Variants in CPNE4 observed in about 807,000 individuals in gnomAD.
CPNE4 encodes copine-4.
A neutral mutation model predicts 67.9 loss-of-function variants in CPNE4; 25 were observed. The observed-to-expected ratio is 0.37, with a 90% CI of 0.27 to 0.51. The LOEUF (loss-of-function observed/expected upper bound fraction) is 0.51, where lower values mean the gene tolerates loss of function less well. CPNE4 is among the 20% of genes least tolerant of loss of function. The pLI is 0.93. For missense variants in CPNE4, 464 were observed against 690.8 expected, an observed-to-expected ratio of 0.67 and a Z score of 3.68; for synonymous variants, 242 against 244.9, an observed-to-expected ratio of 0.99 and a Z score of 0.11.
At chr3:131,656,057 T>C (rs1441776798) in intron 7 of CPNE4, among the ~76,000 whole-genome samples, 3 of 150,470 alleles carry the variant, frequency 2.0e-5, no homozygotes, top group Non-Finnish European at 4.4e-5. Flanking sequence ...CTGTTTCTTT[T>C]TTTTTTTTTT....
intron 6 of CPNE4, among the ~76,000 whole-genome samples, chr3:131,671,470 TGTG>T (rs2080415020): frequency 6.6e-6 from 1 of 151,906 alleles, no homozygotes; most frequent in Non-Finnish European, 1.5e-5. Context: ...TGTGTGTGTG[TGTG>T]TGTGTGTGTG....
chr3:131,574,994 A>G (rs1937514844), intron 10 of CPNE4, 77 bp downstream of exon 10: 3 of 1,225,768 alleles, frequency 2.4e-6, no homozygotes, highest in South Asian at 1.2e-5. Context: ...TTGTCTCTTT[A>G]TCCCCCAAAC....
At chr3:131,583,328 T>C (rs1027997807) in intron 8 of CPNE4, among the ~76,000 whole-genome samples, 8 of 152,176 alleles carry the variant, frequency 5.3e-5, no homozygotes, top group Non-Finnish European at 1.0e-4. Context: ...GATTTAGTAT[T>C]TCTGGACAAA....
intron 2 of CPNE4, among the ~76,000 whole-genome samples, chr3:131,874,690 A>G (rs2087365748): frequency 1.3e-5 from 2 of 152,224 alleles, no homozygotes; most frequent in African/African-American, 4.8e-5. Flanking sequence ...TCATTGTTAT[A>G]TTTAATATAT....
At chr3:131,567,501 C>T (rs1253334316) in intron 10 of CPNE4, among the ~76,000 whole-genome samples, 3 of 151,976 alleles carry the variant, frequency 2.0e-5, no homozygotes, top group Non-Finnish European at 4.4e-5. Flanking sequence ...TCTCAGCAGA[C>T]CCTATACTTG....
At chr3:131,948,177 C>T (rs149763088) in intron 1 of CPNE4, among the ~76,000 whole-genome samples, 1,524 of 152,240 alleles carry the variant, frequency 0.01, 28 homozygotes, top group African/African-American at 0.034. Flanking sequence ...CCACCCAGAT[C>T]AGACCTTGAA....
At chr3:131,855,994 T>C (rs1053273664) in intron 2 of CPNE4, among the ~76,000 whole-genome samples, 1 of 151,964 alleles carries the variant, frequency 6.6e-6, no homozygotes, top group Non-Finnish European at 1.5e-5. Flanking sequence ...ATCAGAAATA[T>C]ATTTGAGATT....
intron 2 of CPNE4, among the ~76,000 whole-genome samples, chr3:131,902,356 A>G (rs2088585981): frequency 1.3e-5 from 2 of 152,078 alleles, no homozygotes; most frequent in East Asian, 1.9e-4. Flanking sequence ...TTATTTGACA[A>G]TATGTATCAA....
chr3:131,723,425 A>C (rs1236811804), intron 3 of CPNE4, 21 bp downstream of exon 3: 1 of 1,607,878 alleles, frequency 6.2e-7, no homozygotes, highest in South Asian at 1.1e-5. Context: ...AAGGAGGAGG[A>C]AGGGATGTCT....
intron 2 of CPNE4, among the ~76,000 whole-genome samples, chr3:131,836,570 C>T (rs1199250346): frequency 6.6e-6 from 1 of 152,142 alleles, no homozygotes; most frequent in Non-Finnish European, 1.5e-5. Flanking sequence ...TCTACTCTCA[C>T]CACTTCTTTT....
At chr3:131,745,804 G>T (rs2082474302) in intron 2 of CPNE4, among the ~76,000 whole-genome samples, 1 of 151,962 alleles carries the variant, frequency 6.6e-6, no homozygotes, top group Non-Finnish European at 1.5e-5. Context: ...GTTGCTATAT[G>T]GTAATTCTTG....
At chr3:131,655,660 G>C (rs984982316) in intron 7 of CPNE4, among the ~76,000 whole-genome samples, 3 of 152,100 alleles carry the variant, frequency 2.0e-5, no homozygotes, top group African/African-American at 4.8e-5. Context: ...CGGGGGGCAG[G>C]GGGGTGGAGA....
At chr3:131,565,521 T>G (rs1937010158) in intron 10 of CPNE4, among the ~76,000 whole-genome samples, 1 of 152,074 alleles carries the variant, frequency 6.6e-6, no homozygotes, top group South Asian at 2.1e-4. Flanking sequence ...TGTTTGTGTT[T>G]CTTAAGGTAT....
intron 2 of CPNE4, among the ~76,000 whole-genome samples, chr3:131,787,915 C>T (rs1027482090): frequency 5.3e-5 from 8 of 151,876 alleles, no homozygotes; most frequent in Non-Finnish European, 8.8e-5. Context: ...TGTCTAAGAA[C>T]CACAGGAAAA....
intron 2 of CPNE4, among the ~76,000 whole-genome samples, chr3:131,835,972 C>A (rs1256301484): frequency 6.6e-6 from 1 of 152,148 alleles, no homozygotes; most frequent in African/African-American, 2.4e-5. Context: ...GGAAAGGAAT[C>A]TTTTCAATCT....
intron 2 of CPNE4, among the ~76,000 whole-genome samples, chr3:131,846,218 A>C (rs1243088918): frequency 6.6e-6 from 1 of 152,226 alleles, no homozygotes; most frequent in African/African-American, 2.4e-5. Context: ...ATCACTTAGA[A>C]GTTCTTGGCA....
intron 2 of CPNE4, among the ~76,000 whole-genome samples, chr3:131,830,395 G>A (rs1479579155): frequency 2.6e-5 from 4 of 152,064 alleles, no homozygotes; most frequent in African/African-American, 9.7e-5. Context: ...TCTTTTAAAA[G>A]ATAAGATAGA....
intron 2 of CPNE4, among the ~76,000 whole-genome samples, chr3:131,772,665 T>C (rs2083196295): frequency 6.6e-6 from 1 of 152,040 alleles, no homozygotes; most frequent in Non-Finnish European, 1.5e-5. Context: ...TTGGAAAAAA[T>C]GAGTGCAGTG....
At chr3:131,669,090 T>C (rs892299644) in intron 7 of CPNE4, among the ~76,000 whole-genome samples, 1 of 152,172 alleles carries the variant, frequency 6.6e-6, no homozygotes, top group Non-Finnish European at 1.5e-5. Context: ...TCACTGTGTG[T>C]GTTAGTCCAA....
Sources: allele counts gnomAD v4.1 joint callset (sites outside exome capture counted in the v4.1 genomes callset), GRCh38; gene constraint gnomAD v4.1.1; transcripts MANE v1.5; gene names NCBI Gene and HGNC (gene_info 2026-07-23, HGNC 2026-07-21).